ZNF362: variants seen among roughly 807,000 people sequenced by gnomAD.
The protein encoded by ZNF362 is rotund homolog.
ZNF362 carries 11 observed loss-of-function variants against 42.9 expected under a neutral mutation model. The observed-to-expected ratio is 0.26, with a 90% confidence interval of 0.16 to 0.42. The LOEUF is 0.42. ZNF362 is among the 20% of genes least tolerant of loss of function. ZNF362 has a pLI of 1.00. For synonymous variants in ZNF362, 255 were observed against 257.3 expected (o/e 0.99, Z 0.09); for missense variants, 362 against 576.2 (o/e 0.63, Z 3.81).
At chr1:33,161,125 T>C in the ZNF362 span, among the ~76,000 whole-genome samples, 1 of 152,194 alleles carries the variant, frequency 6.6e-6, no homozygotes, top group Non-Finnish European at 1.5e-5. This position sits in a 1 kb window ranked among gnomAD's most constrained non-coding sequence, Gnocchi z 4.3. Flanking sequence ...GTGGTGAAGA[T>C]GAAATGAGGG....
chr1:33,291,348 C>T (rs1242048342), intron 6 of ZNF362, among the ~76,000 whole-genome samples: 1 of 152,154 alleles, frequency 6.6e-6, no homozygotes, highest in Non-Finnish European at 1.5e-5. Flanking sequence ...TTGTTTTTGT[C>T]AGGTTTGCCA....
chr1:33,272,744 C>A (rs1480512043), intron 2 of ZNF362, among the ~76,000 whole-genome samples: 1 of 152,160 alleles, frequency 6.6e-6, no homozygotes, highest in East Asian at 1.9e-4. Context: ...ATGCTTCCTG[C>A]CACCTTCTCA....
the ZNF362 span, among the ~76,000 whole-genome samples, chr1:33,128,077 ATT>A: frequency 3.3e-5 from 5 of 151,858 alleles, no homozygotes; most frequent in Admixed American, 1.3e-4. Context: ...AATTTAACAT[ATT>A]TAGGTTGGGC....
chr1:33,170,224 G>A, the ZNF362 span, among the ~76,000 whole-genome samples: 1 of 152,040 alleles, frequency 6.6e-6, no homozygotes, highest in Non-Finnish European at 1.5e-5. Flanking sequence ...CAGCTACTTG[G>A]GAGGCTGAGG....
chr1:33,236,564 T>A, the ZNF362 span, among the ~76,000 whole-genome samples: 37 of 79,652 alleles, frequency 4.6e-4, no homozygotes, highest in South Asian at 1.1e-3. Flanking sequence ...TATATATATA[T>A]ATATATATAC....
chr1:33,256,100 G>C (rs908042098), upstream of ZNF362, among the ~76,000 whole-genome samples: 2 of 151,190 alleles, frequency 1.3e-5, no homozygotes, highest in Admixed American at 1.3e-4. Context: ...GCGGAGGGGG[G>C]CGAGGAGTTC....
At position 33,276,456 on chromosome 1, in the gene ZNF362, G is replaced by C; in HGVS notation, c.211G>C (p.Val71Leu). The C allele has an allele frequency of 1.3e-6, 2 of 1,566,384 alleles. No individual in the cohort carries two copies. Among genetic ancestry groups the C allele is most frequent in the Non-Finnish European group, 1.7e-6 (2 of 1,159,996 alleles). ...TSASSQQPLL[V>L]PPAPAESSQA... ...GGCCTCGTCGCAGCAGCCGTTGCTA[G>C]TGCCGCCGGCACCCGCCGAGAGCAG... Residue 71 changes from valine to leucine, a missense_variant, in exon 4 of 9, where the codon GTG becomes CTG. Val to Leu is a conservative substitution (Grantham distance 32, BLOSUM62 1). This residue lies in a region of ZNF362 where 266 missense variants were observed against 365.4 expected (regional missense o/e 0.73). Coordinates refer to ENST00000539719, the MANE Select transcript of ZNF362 (RefSeq NM_152493.3).
chr1:33,279,489 T>A (rs1015271149), intron 4 of ZNF362, among the ~76,000 whole-genome samples: 1 of 146,952 alleles, frequency 6.8e-6, no homozygotes, highest in East Asian at 2.0e-4. Flanking sequence ...TTTTTTTTTT[T>A]TAAAAAAACA....
upstream of ZNF362, among the ~76,000 whole-genome samples, chr1:33,253,154 G>A (rs1645770049): frequency 6.7e-6 from 1 of 149,784 alleles, no homozygotes; most frequent in Non-Finnish European, 1.5e-5. Context: ...ACCAGACAGA[G>A]GGAACAGCAT....
At chr1:33,137,202 T>G in the ZNF362 span, among the ~76,000 whole-genome samples, 8 of 152,072 alleles carry the variant, frequency 5.3e-5, no homozygotes, top group African/African-American at 1.9e-4. Flanking sequence ...CAGGGTAGTA[T>G]GGGGACTGGA....
chr1:33,177,205 G>T, the ZNF362 span, among the ~76,000 whole-genome samples: 1 of 152,118 alleles, frequency 6.6e-6, no homozygotes, highest in Non-Finnish European at 1.5e-5. The surrounding 1 kb of genome is among the most constrained non-coding windows in gnomAD (Gnocchi z 4.1). Context: ...ATGTTTCATG[G>T]GGTATTATTA....
chr1:33,173,425 ATGTGTATG>A, the ZNF362 span, among the ~76,000 whole-genome samples: 6 of 152,194 alleles, frequency 3.9e-5, no homozygotes, highest in African/African-American at 1.4e-4. Flanking sequence ...GTGCGCATGC[ATGTGTATG>A]TGTGTATGTG....
the ZNF362 span, among the ~76,000 whole-genome samples, chr1:33,153,671 ACACTAG>A: frequency 6.6e-6 from 1 of 152,290 alleles, no homozygotes; most frequent in East Asian, 1.9e-4. Flanking sequence ...TGAGAAGGGA[ACACTAG>A]CATCCCTATT....
At position 33,281,880 on chromosome 1, in the gene ZNF362, C is replaced by A; in HGVS notation, c.908+69C>A. 2 of 1,542,152 alleles carry A rather than the reference C, an allele frequency of 1.3e-6. No individual in the cohort carries two copies. Among genetic ancestry groups the A allele is most frequent in the Non-Finnish European group, 1.8e-6 (2 of 1,123,240 alleles). On this transcript the variant is annotated intron_variant, in intron 6 of 8. Coordinates refer to ENST00000539719, the MANE Select transcript of ZNF362 (RefSeq NM_152493.3). This position sits in a 1 kb window ranked among gnomAD's most constrained non-coding sequence, Gnocchi z 4.8. Reference sequence around the variant, plus strand: ...AGCACCCGTGGCCTGGCACATGGAGCCAGTGCAAGGAGGGGCAAGGACCTT... The same window carrying A: ...AGCACCCGTGGCCTGGCACATGGAGACAGTGCAAGGAGGGGCAAGGACCTT...
the ZNF362 span, among the ~76,000 whole-genome samples, chr1:33,160,347 G>T: frequency 3.9e-5 from 6 of 151,980 alleles, no homozygotes; most frequent in African/African-American, 1.5e-4. Flanking sequence ...GAGGGCTAGG[G>T]GACAGGGTGA....
At chr1:33,170,618 G>A in the ZNF362 span, among the ~76,000 whole-genome samples, 1 of 152,140 alleles carries the variant, frequency 6.6e-6, no homozygotes, top group Admixed American at 6.5e-5. Context: ...GAGTTCCTTG[G>A]ATGGGCTAGG....
chr1:33,222,185 A>C, the ZNF362 span, among the ~76,000 whole-genome samples: 1 of 152,108 alleles, frequency 6.6e-6, no homozygotes, highest in Non-Finnish European at 1.5e-5. Flanking sequence ...TATACCATGG[A>C]AATGGCATCA....
intron 4 of ZNF362, among the ~76,000 whole-genome samples, 183 bp from the exon 5 acceptor site, chr1:33,279,941 C>T (rs1206737836): frequency 6.6e-6 from 1 of 152,184 alleles, no homozygotes; most frequent in Non-Finnish European, 1.5e-5. Flanking sequence ...TTATCTAACT[C>T]AATTTAATCT....
chr1:33,219,376 G>T, the ZNF362 span, among the ~76,000 whole-genome samples: 1 of 152,344 alleles, frequency 6.6e-6, no homozygotes, highest in East Asian at 1.9e-4. Flanking sequence ...AGACAAGTTG[G>T]CTCCTGCTGT....
Sources: allele counts gnomAD v4.1 joint callset (sites outside exome capture counted in the v4.1 genomes callset), GRCh38; gene constraint gnomAD v4.1.1; regional missense constraint gnomAD v4.1.1; non-coding constraint Gnocchi (gnomAD v3.1); transcripts MANE v1.5; gene names NCBI Gene and HGNC (gene_info 2026-07-23, HGNC 2026-07-21).